The following CNNM2 variants were observed in gnomAD, a reference collection of about 807,000 sequenced individuals.
CNNM2 encodes cyclin and CBS domain divalent metal cation transport mediator 2.
Under a neutral mutation model 66.9 loss-of-function variants are expected in CNNM2, and 12 were observed. The ratio of observed to expected loss-of-function variants is 0.18; its 90% confidence interval spans 0.11 to 0.29. The LOEUF is 0.29. Among genes scored for constraint, CNNM2 ranks in the 10% least tolerant of loss-of-function variants. The pLI is 1.00. For missense variants in CNNM2, 705 were observed against 1,167.7 expected, an observed-to-expected ratio of 0.60 and a Z score of 5.77; for synonymous variants, 557 against 501.8, an observed-to-expected ratio of 1.11 and a Z score of -1.47.
intron 2 of CNNM2, among the ~76,000 whole-genome samples, chr10:103,050,370 A>G (rs2065195796): frequency 1.3e-5 from 2 of 152,046 alleles, no homozygotes; most frequent in South Asian, 4.1e-4. Flanking sequence ...TGTCTTTACT[A>G]AAGATACAAA....
chr10:102,976,759 C>T (rs2063641033), intron 1 of CNNM2, among the ~76,000 whole-genome samples: 1 of 151,542 alleles, frequency 6.6e-6, no homozygotes. Context: ...TGAGCCACTG[C>T]GCTTGCCCTG....
At chr10:102,959,022 A>G (rs1166221913) in intron 1 of CNNM2, among the ~76,000 whole-genome samples, 1 of 152,052 alleles carries the variant, frequency 6.6e-6, no homozygotes, top group Non-Finnish European at 1.5e-5. Flanking sequence ...GTCATGGCTC[A>G]CTGCAGCCTC....
chr10:102,938,273 T>TAAA (rs540328702), intron 1 of CNNM2, among the ~76,000 whole-genome samples: 1 of 141,494 alleles, frequency 7.1e-6, no homozygotes, highest in East Asian at 2.1e-4. Context: ...CCATCTCTTC[T>TAAA]AAAAAAAAAA....
chr10:103,000,035 A>T (rs1303469214), intron 1 of CNNM2, among the ~76,000 whole-genome samples: 2 of 152,172 alleles, frequency 1.3e-5, no homozygotes, highest in Admixed American at 1.3e-4. Context: ...CAGGAGTTCC[A>T]GACCAGCCTG....
intron 1 of CNNM2, among the ~76,000 whole-genome samples, chr10:102,969,089 AT>A (rs1178024980): frequency 6.9e-6 from 1 of 145,826 alleles, no homozygotes; most frequent in Non-Finnish European, 1.5e-5. Flanking sequence ...AATTTTTTCT[AT>A]TTTTTGTAGA....
intron 1 of CNNM2, among the ~76,000 whole-genome samples, chr10:102,932,243 G>C (rs1186870150): frequency 6.6e-6 from 1 of 151,518 alleles, no homozygotes; most frequent in East Asian, 1.9e-4. Flanking sequence ...GAGCAACGGG[G>C]TTTTGCTATG....
intron 1 of CNNM2, among the ~76,000 whole-genome samples, chr10:103,003,778 T>A (rs1049906684): frequency 2.0e-5 from 3 of 151,898 alleles, no homozygotes; most frequent in South Asian, 2.1e-4. Context: ...ATCTTTTTTT[T>A]AAAACACTAT....
rs776671340 is a variant in CNNM2, at chr10:103,043,410, A to G, written c.1622-6297A>G. ...TGACATCAACATTGTCTGATAGCAA[A>G]CAAGTCCATATTTTCATCTGGCCGT... On this transcript the variant is annotated intron_variant, in intron 1 of 7. Transcript: ENST00000369878. Among the ~76,000 whole-genome samples, 143 of 152,310 alleles carry G rather than the reference A, an allele frequency of 9.4e-4. 1 individual carries two copies. The highest frequency in any genetic ancestry group is 3.8e-4 in the Non-Finnish European group (26 of 68,026).
chr10:102,994,284 A>G (rs2063949076), intron 1 of CNNM2, among the ~76,000 whole-genome samples: 1 of 152,208 alleles, frequency 6.6e-6, no homozygotes, highest in Non-Finnish European at 1.5e-5. Context: ...GTGAAGTTGC[A>G]GACATATAAT....
chr10:103,089,578 C>A lies in CNNM2; in HGVS notation c.*12398C>A. Reference sequence around the variant, plus strand: ...ACGTACCTTTCATGGAGCCCCCTCCCTCCCCCGAGTAGAACCCTAACAGGG... The same window carrying A: ...ACGTACCTTTCATGGAGCCCCCTCCATCCCCCGAGTAGAACCCTAACAGGG... On this transcript the variant is annotated 3_prime_UTR_variant, in exon 8 of 8. Transcript: ENST00000369878. 1 of 1,432,352 alleles carries A rather than the reference C, an allele frequency of 7.0e-7. No individual in the cohort carries two copies. The highest frequency in any genetic ancestry group is 9.2e-7 in the Non-Finnish European group (1 of 1,091,274). 88.7% of individuals were successfully genotyped at this position (1,432,352 alleles called of 1,614,324 possible). A position where few individuals can be genotyped will look rare whatever the true frequency, so the allele number is the denominator to read the frequency against.
intron 1 of CNNM2, among the ~76,000 whole-genome samples, chr10:102,956,155 G>A (rs905225086): frequency 8.5e-5 from 13 of 152,270 alleles, no homozygotes; most frequent in South Asian, 8.3e-4. Flanking sequence ...GGGCGTGGTG[G>A]CGGGCGCCTG....
rs202217837 is a variant in CNNM2, at chr10:103,077,214, C to T, written c.*34C>T. 96 of 1,592,586 alleles carry T rather than the reference C, an allele frequency of 6.0e-5. No individual in the cohort carries two copies. Among genetic ancestry groups the T allele is most frequent in the African/African-American group, 6.0e-4 (45 of 74,684 alleles). ...GGCTGCACCCGCCCAGGCCCGCACC[C>T]GCCCAGTCCCGAGGGCCCGGCCCTG... On this transcript the variant is annotated 3_prime_UTR_variant, in exon 8 of 8. Transcript: ENST00000369878.
chr10:102,977,992 C>T (rs1327953122), intron 1 of CNNM2, among the ~76,000 whole-genome samples: 4 of 152,006 alleles, frequency 2.6e-5, no homozygotes, highest in Non-Finnish European at 5.9e-5. Context: ...TCACCACAAC[C>T]TCCACCTCCT....
intron 6 of CNNM2, among the ~76,000 whole-genome samples, chr10:103,074,825 C>A (rs887962280): frequency 2.0e-5 from 3 of 152,094 alleles, no homozygotes; most frequent in Non-Finnish European, 2.9e-5. Context: ...TAAAGCAAGA[C>A]CCTGTCTCAA....
At chr10:103,006,119 G>A (rs1229062779) in intron 1 of CNNM2, among the ~76,000 whole-genome samples, 1 of 152,128 alleles carries the variant, frequency 6.6e-6, no homozygotes, top group Non-Finnish European at 1.5e-5. Context: ...AGGAGTGATA[G>A]TGATATCCTT....
intron 1 of CNNM2, among the ~76,000 whole-genome samples, chr10:103,047,056 T>A (rs925336815): frequency 3.3e-5 from 5 of 152,184 alleles, no homozygotes; most frequent in Admixed American, 2.6e-4. Flanking sequence ...ACTCCCATAT[T>A]CCAGGAAGTA....
chr10:103,014,404 G>A (rs550191704), intron 1 of CNNM2, among the ~76,000 whole-genome samples: 2 of 152,278 alleles, frequency 1.3e-5, no homozygotes, highest in South Asian at 4.1e-4. Flanking sequence ...GGGTCTTGAT[G>A]TAGGTATTAA....
chr10:102,970,940 C>G (rs1271382749), intron 1 of CNNM2, among the ~76,000 whole-genome samples: 1 of 151,556 alleles, frequency 6.6e-6, no homozygotes, highest in Non-Finnish European at 1.5e-5. Flanking sequence ...CCTATAATCC[C>G]AACACTTTGG....
intron 1 of CNNM2, among the ~76,000 whole-genome samples, chr10:103,049,259 C>G (rs780291016): frequency 1.3e-5 from 2 of 152,208 alleles, no homozygotes; most frequent in Non-Finnish European, 2.9e-5. Flanking sequence ...TGCTAAGGTG[C>G]CTTTTCACCA....
Sources: allele counts gnomAD v4.1 joint callset (sites outside exome capture counted in the v4.1 genomes callset), GRCh38; gene constraint gnomAD v4.1.1; transcripts MANE v1.5; gene names NCBI Gene and HGNC (gene_info 2026-07-23, HGNC 2026-07-21).